NEDD4L: variants seen among roughly 807,000 people sequenced by gnomAD.
NEDD4L encodes the protein E3 ubiquitin-protein ligase NEDD4-like.
In NEDD4L, 54 loss-of-function variants were observed where a neutral mutation model predicts 148.9. The ratio of observed to expected loss-of-function variants is 0.36; its 90% CI spans 0.29 to 0.45. The LOEUF (loss-of-function observed/expected upper bound fraction) is 0.45. NEDD4L is among the 20% of genes least tolerant of loss of function. The pLI, the probability that NEDD4L is intolerant of heterozygous loss-of-function variation, is 1.00. For missense variants in NEDD4L, 856 were observed against 1,233.8 expected, an observed-to-expected ratio of 0.69 and a Z score of 4.59; for synonymous variants, 433 against 440.7, an observed-to-expected ratio of 0.98 and a Z score of 0.22.
At chr18:58,079,381 G>T (rs962726059) in intron 1 of NEDD4L, among the ~76,000 whole-genome samples, 1 of 152,150 alleles carries the variant, frequency 6.6e-6, no homozygotes, top group African/African-American at 2.4e-5. Flanking sequence ...GTGTTCATAC[G>T]CTTCCTCAGT....
chr18:58,066,774 C>A (rs945767755), intron 1 of NEDD4L, among the ~76,000 whole-genome samples: 2 of 152,192 alleles, frequency 1.3e-5, no homozygotes, highest in South Asian at 4.2e-4. Flanking sequence ...GAAGAGGAAG[C>A]AAGCATGTCT....
intron 1 of NEDD4L, among the ~76,000 whole-genome samples, chr18:58,054,074 T>C (rs1357899023): frequency 3.3e-5 from 5 of 152,244 alleles, no homozygotes; most frequent in Admixed American, 6.5e-5. Context: ...ATGGGTTTTA[T>C]TTACATGTAT....
intron 26 of NEDD4L, among the ~76,000 whole-genome samples, 194 bp downstream of exon 26, chr18:58,385,780 C>A: frequency 6.6e-6 from 1 of 152,000 alleles, no homozygotes; most frequent in East Asian, 1.9e-4. Context: ...AGCCACCGTG[C>A]CGCCACCTCC....
At chr18:58,242,365 G>C (rs1403257970) in intron 2 of NEDD4L, among the ~76,000 whole-genome samples, 1 of 152,208 alleles carries the variant, frequency 6.6e-6, no homozygotes, top group Non-Finnish European at 1.5e-5. Context: ...AACTGCCTGA[G>C]TTAGGAATTG....
chr18:58,383,389 T>C (rs1736065740), intron 25 of NEDD4L, 70 bp downstream of exon 25: 1 of 848,942 alleles, frequency 1.2e-6, no homozygotes. Flanking sequence ...TGTCCCTTGC[T>C]GAAACAGCTC....
At chr18:58,189,465 A>C (rs998853738) in intron 2 of NEDD4L, among the ~76,000 whole-genome samples, 1 of 152,162 alleles carries the variant, frequency 6.6e-6, no homozygotes, top group East Asian at 1.9e-4. Context: ...GGCGTATTTA[A>C]CCTGTACAGC....
At chr18:58,149,975 C>T (rs557808779) in intron 1 of NEDD4L, among the ~76,000 whole-genome samples, 2 of 152,246 alleles carry the variant, frequency 1.3e-5, no homozygotes, top group South Asian at 4.1e-4. Context: ...GTGTAATTGC[C>T]TGAGTAAGGC....
In NEDD4L at chr18:58,154,241, A is replaced by G. The variant is rs141421251; in HGVS notation, c.49-11547A>G. Among the ~76,000 whole-genome samples, 1,344 of 152,326 alleles carry G rather than the reference A, an allele frequency of 8.8e-3. 14 individuals are homozygous for G. Among genetic ancestry groups the G allele is most frequent in the African/African-American group, 0.031 (1,273 of 41,578 alleles). Reference sequence around the variant, plus strand: ...GCAGGATTCCCTGATAACCGAGCTCAGGCATCCTGCAGAGTGAGTACTGCC... The same window carrying G: ...GCAGGATTCCCTGATAACCGAGCTCGGGCATCCTGCAGAGTGAGTACTGCC... On this transcript the variant is annotated intron_variant, in intron 1 of 30. Transcript: ENST00000400345.
chr18:58,056,235 G>A (rs1361410989), intron 1 of NEDD4L, among the ~76,000 whole-genome samples: 1 of 152,192 alleles, frequency 6.6e-6, no homozygotes, highest in Non-Finnish European at 1.5e-5. Context: ...TAGGTTTCTT[G>A]TACTCACACC....
intron 1 of NEDD4L, among the ~76,000 whole-genome samples, chr18:58,117,449 A>G (rs2145762291): frequency 6.6e-6 from 1 of 152,238 alleles, no homozygotes; most frequent in South Asian, 2.1e-4. Context: ...GCCATTTTTT[A>G]TTCTTTATTG....
At chr18:58,187,903 G>C (rs2039648932) in intron 2 of NEDD4L, among the ~76,000 whole-genome samples, 1 of 152,150 alleles carries the variant, frequency 6.6e-6, no homozygotes, top group African/African-American at 2.4e-5. Context: ...GGAAGCTTCA[G>C]TTCTAACTTT....
At chr18:58,345,042 G>C (rs1314604699) in intron 16 of NEDD4L, among the ~76,000 whole-genome samples, 1 of 152,240 alleles carries the variant, frequency 6.6e-6, no homozygotes, top group African/African-American at 2.4e-5. Flanking sequence ...TTTATTGCTT[G>C]CAACATTGCT....
rs1240760233 is a variant in NEDD4L, at chr18:58,245,499, A to G, written c.195A>G (p.Thr65=). The change falls in exon 3 of 31, where the codon ACA becomes ACG. Residue 65 remains threonine, a synonymous_variant. Transcript: ENST00000400345. ...NRELALVQTK[T]IKKTLNPKWN... ...AACTTGCTTTGGTCCAGACAAAAAC[A>G]ATTAAAAAGGTAGGTGTCGATCTTT... 1 of 1,552,940 alleles carries G rather than the reference A, an allele frequency of 6.4e-7. No homozygotes were observed. Among genetic ancestry groups the G allele is most frequent in the Non-Finnish European group, 8.8e-7 (1 of 1,134,060 alleles).
chr18:58,257,673 A>G (rs981972493), intron 5 of NEDD4L, among the ~76,000 whole-genome samples: 11 of 152,156 alleles, frequency 7.2e-5, no homozygotes, highest in Non-Finnish European at 1.3e-4. Flanking sequence ...TTTCAGTGAA[A>G]TGGAGTACAG....
intron 2 of NEDD4L, among the ~76,000 whole-genome samples, chr18:58,213,512 G>A (rs1248556573): frequency 6.6e-6 from 1 of 152,218 alleles, no homozygotes; most frequent in Non-Finnish European, 1.5e-5. Flanking sequence ...GTGCCCATAT[G>A]TGTAAATGTG....
chr18:58,334,471 T>C (rs1211358059), intron 12 of NEDD4L, among the ~76,000 whole-genome samples: 1 of 152,222 alleles, frequency 6.6e-6, no homozygotes, highest in Non-Finnish European at 1.5e-5. Flanking sequence ...TAAAAAGAAA[T>C]ATTCAAGTTG....
At chr18:58,211,049 A>G (rs1363814701) in intron 2 of NEDD4L, among the ~76,000 whole-genome samples, 15 of 152,218 alleles carry the variant, frequency 9.9e-5, no homozygotes, top group Admixed American at 9.8e-4. Context: ...CATTCCTAAT[A>G]TAGTACAATC....
intron 1 of NEDD4L, among the ~76,000 whole-genome samples, chr18:58,125,199 T>G (rs940360269): frequency 5.9e-5 from 9 of 152,246 alleles, no homozygotes; most frequent in Non-Finnish European, 1.0e-4. Flanking sequence ...GCGCCTGGCC[T>G]GTAATAACCT....
At chr18:58,262,812 TG>T (rs985898953) in intron 5 of NEDD4L, among the ~76,000 whole-genome samples, 2 of 152,028 alleles carry the variant, frequency 1.3e-5, no homozygotes, top group African/African-American at 4.8e-5. Context: ...CTGATGTGAG[TG>T]GGCCTGAAAG....
Sources: allele counts gnomAD v4.1 joint callset (sites outside exome capture counted in the v4.1 genomes callset), GRCh38; gene constraint gnomAD v4.1.1; transcripts MANE v1.5; gene names NCBI Gene and HGNC (gene_info 2026-07-23, HGNC 2026-07-21).